The following ERC1 variants were observed in gnomAD, a reference collection of about 807,000 sequenced individuals.
ERC1 encodes ELKS/RAB6-interacting/CAST family member 1.
ERC1 carries 56 observed loss-of-function variants against 132.0 expected under a neutral mutation model. The ratio of observed to expected loss-of-function variants is 0.42; its 90% CI spans 0.34 to 0.53. The LOEUF is 0.53. Ranked by LOEUF, ERC1 falls within the 20% of genes least tolerant of loss-of-function variation. The pLI is 0.03. For missense variants in ERC1, 1,202 were observed against 1,349.9 expected (o/e 0.89, Z 1.72); for synonymous variants, 478 against 476.1 (o/e 1.00, Z -0.05).
chr12:1,121,911 C>G (rs1269890532), intron 7 of ERC1, among the ~76,000 whole-genome samples: 3 of 8,086 alleles, frequency 3.7e-4, no homozygotes, highest in East Asian at 0.019. Flanking sequence ...ATCTCTATCT[C>G]TATCTCTATC....
chr12:1,482,581 G>C (rs2154431958), intron 18 of ERC1, among the ~76,000 whole-genome samples: 1 of 152,002 alleles, frequency 6.6e-6, no homozygotes, highest in South Asian at 2.1e-4. Flanking sequence ...TGAGTAGCTG[G>C]GATTACAGGC....
chr12:1,276,961 G>T (rs567860848), intron 14 of ERC1, among the ~76,000 whole-genome samples: 35 of 152,300 alleles, frequency 2.3e-4, no homozygotes, highest in Non-Finnish European at 1.3e-4. Flanking sequence ...CTGAACAGAA[G>T]AACTTAAAGG....
chr12:1,493,548 A>AATATACATATATATATAT lies in ERC1; in HGVS notation c.*3323_*3324insCATATATATATATATATA, dbSNP rs2094337443. On this transcript the variant is annotated 3_prime_UTR_variant, in exon 19 of 19. Transcript: ENST00000360905. ...ACTCCATTTAAAAAAAAAAAAAAAA[A>AATATACATATATATATAT]ATATATATATATATATATATATATA... 1 of 13,618 alleles carries AATATACATATATATATAT rather than the reference A, an allele frequency of 7.3e-5. No homozygotes were observed. Among genetic ancestry groups the AATATACATATATATATAT allele is most frequent in the African/African-American group, 2.2e-4 (1 of 4,554 alleles). The allele number at this position is 13,618 out of a possible 1,614,324, so 0.8% of individuals were successfully genotyped here. A position where few individuals can be genotyped will look rare whatever the true frequency, so the allele number is the denominator to read the frequency against.
chr12:1,249,551 T>G (rs1399887372), intron 13 of ERC1, among the ~76,000 whole-genome samples: 3 of 152,244 alleles, frequency 2.0e-5, no homozygotes, highest in East Asian at 1.9e-4. Context: ...TGTGTGCTGG[T>G]TCTTCTGCAT....
chr12:1,300,535 G>A (rs1395370911), intron 15 of ERC1, among the ~76,000 whole-genome samples: 1 of 152,098 alleles, frequency 6.6e-6, no homozygotes, highest in Non-Finnish European at 1.5e-5. Flanking sequence ...TACAGAATGG[G>A]AGATAATTTT....
chr12:1,289,481 C>T (rs948269255), intron 14 of ERC1, among the ~76,000 whole-genome samples: 5 of 151,934 alleles, frequency 3.3e-5, no homozygotes, highest in African/African-American at 4.8e-5. Flanking sequence ...TTCCTAAAAT[C>T]GTTCTGTATA....
At chr12:1,405,564 G>A (rs1424474947) in intron 16 of ERC1, among the ~76,000 whole-genome samples, 6 of 152,010 alleles carry the variant, frequency 3.9e-5, no homozygotes, top group East Asian at 1.9e-4. Context: ...ATAGCCGGGC[G>A]TGGTGGCAGG....
chr12:1,314,849 G>T (rs1305734109), intron 15 of ERC1, among the ~76,000 whole-genome samples: 1 of 151,898 alleles, frequency 6.6e-6, no homozygotes, highest in African/African-American at 2.4e-5. Flanking sequence ...GTCCATTTTG[G>T]TCTTGTCTAT....
chr12:1,420,312 A>G (rs1450352298), intron 17 of ERC1, among the ~76,000 whole-genome samples: 3 of 152,208 alleles, frequency 2.0e-5, no homozygotes, highest in African/African-American at 7.2e-5. Flanking sequence ...TTTGGAGACC[A>G]TCTTTTAGAA....
chr12:1,458,738 A>G (rs543087882), intron 18 of ERC1, among the ~76,000 whole-genome samples: 3 of 152,242 alleles, frequency 2.0e-5, no homozygotes, highest in Admixed American at 6.5e-5. Flanking sequence ...GGGTTCCTCC[A>G]TGTTGGTCAG....
chr12:991,920 A>G (rs960801870), intron 1 of ERC1: 5 of 119,436 alleles, frequency 4.2e-5, no homozygotes, highest in Admixed American at 1.1e-4. Context: ...TGCAGAACCT[A>G]TTTTATTGCA....
intron 12 of ERC1, among the ~76,000 whole-genome samples, chr12:1,234,057 C>T (rs969177554): frequency 6.6e-6 from 1 of 152,048 alleles, no homozygotes; most frequent in Non-Finnish European, 1.5e-5. Context: ...TAAATGATGG[C>T]AAAACGTATA....
rs1555389413 is a variant in ERC1, at chr12:1,394,046, C to CAAAAAAAAAAAA, written c.2926-14102_2926-14101insAAAAAAAAAAAA. On this transcript the variant is annotated intron_variant, in intron 16 of 18. Transcript: ENST00000360905. ...AAAAAAAAAAAAACAAAAAAAAAAC[C>CAAAAAAAAAAAA]ACAAAGCATTAAGCAATTTAATTTC... Among the ~76,000 whole-genome samples, 23 of 70,828 alleles carry CAAAAAAAAAAAA rather than the reference C, an allele frequency of 3.2e-4. 3 individuals carry two copies. Among genetic ancestry groups the CAAAAAAAAAAAA allele is most frequent in the African/African-American group, 9.5e-4 (19 of 20,008 alleles). The allele number at this position is 70,828 out of a possible 152,430, so 46.5% of individuals were successfully genotyped here.
intron 14 of ERC1, among the ~76,000 whole-genome samples, chr12:1,264,390 C>T (rs1042613265): frequency 1.3e-4 from 20 of 152,130 alleles, no homozygotes; most frequent in Admixed American, 1.0e-3. Flanking sequence ...AGGCCGAGCG[C>T]GGTGGTTCAC....
chr12:1,251,884 T>C (rs1056354366), intron 13 of ERC1, among the ~76,000 whole-genome samples: 1 of 152,184 alleles, frequency 6.6e-6, no homozygotes, highest in Admixed American at 6.5e-5. Context: ...AAGTTCTCAC[T>C]TTAGTGAAAT....
At chr12:1,448,197 TC>T (rs1289785258) in intron 18 of ERC1, among the ~76,000 whole-genome samples, 1 of 152,214 alleles carries the variant, frequency 6.6e-6, no homozygotes, top group African/African-American at 2.4e-5. Flanking sequence ...ACACATGACT[TC>T]CGTTAATATT....
intron 8 of ERC1, among the ~76,000 whole-genome samples, chr12:1,173,535 A>G (rs1953319892): frequency 6.6e-6 from 1 of 152,218 alleles, no homozygotes; most frequent in Admixed American, 6.5e-5. Context: ...TAGTATGTGC[A>G]TAATGGATCC....
At chr12:1,260,376 T>C (rs542951018) in intron 13 of ERC1, among the ~76,000 whole-genome samples, 1 of 152,340 alleles carries the variant, frequency 6.6e-6, no homozygotes, top group South Asian at 2.1e-4. Flanking sequence ...CCTCTAGTGT[T>C]CTAAACTTTA....
intron 12 of ERC1, chr12:1,204,471 T>G (rs558016177): frequency 1.3e-6 from 2 of 1,571,156 alleles, no homozygotes; most frequent in Admixed American, 1.7e-5. Context: ...CTTTTTCACA[T>G]TTTCTTCCTG....
Sources: allele counts gnomAD v4.1 joint callset (sites outside exome capture counted in the v4.1 genomes callset), GRCh38; gene constraint gnomAD v4.1.1; transcripts MANE v1.5; gene names NCBI Gene and HGNC (gene_info 2026-07-23, HGNC 2026-07-21).